The following SQLE variants were observed in gnomAD, a reference collection of about 807,000 sequenced individuals.
SQLE encodes squalene monooxygenase.
In SQLE, 29 loss-of-function variants were observed where a neutral mutation model predicts 60.7. That is an observed-to-expected ratio of 0.48 (90% CI 0.36 to 0.65). The LOEUF is 0.65. Among genes scored for constraint, SQLE ranks in the 30% least tolerant of loss-of-function variants. The pLI, the probability that SQLE is intolerant of heterozygous loss-of-function variation, is 0.00. For synonymous variants in SQLE, 237 were observed against 246.8 expected (o/e 0.96, Z 0.37); for missense variants, 605 against 684.1 (o/e 0.88, Z 1.29).
intron 6 of SQLE, among the ~76,000 whole-genome samples, chr8:125,010,528 TAAAC>T (rs1244946214): frequency 6.6e-6 from 1 of 152,184 alleles, no homozygotes; most frequent in African/African-American, 2.4e-5. Flanking sequence ...AGTTATTTTT[TAAAC>T]TAAGTGAAAC....
intron 7 of SQLE, among the ~76,000 whole-genome samples, chr8:125,013,498 G>A (rs752194794): frequency 1.3e-5 from 2 of 151,838 alleles, no homozygotes; most frequent in Non-Finnish European, 2.9e-5. Flanking sequence ...GATTATAGGT[G>A]CTCGCCACCG....
At chr8:125,008,023 A>C (rs1814982295) in intron 4 of SQLE, among the ~76,000 whole-genome samples, 1 of 152,228 alleles carries the variant, frequency 6.6e-6, no homozygotes, top group South Asian at 2.1e-4. Flanking sequence ...AAAATGAGCA[A>C]TTTAACTCAG....
Position 124,998,623 on chromosome 8 carries a change from A to AGCC in SQLE, c.-771_-769dup, listed in dbSNP as rs1383180200. 7 of 682,292 alleles carry AGCC rather than the reference A, an allele frequency of 1.0e-5. No homozygotes were observed. The highest frequency in any genetic ancestry group is 2.9e-5 in the East Asian group (1 of 34,482). 42.3% of individuals were successfully genotyped at this position (682,292 alleles called of 1,614,324 possible). On this transcript the variant is annotated 5_prime_UTR_variant, in exon 1 of 11. Transcript: ENST00000265896. ...GGATGCTGGTGAGGAAGCCGTCGGG[A>AGCC]GCCGCCGCCGCCATCTGAGGGAGGT... is the stretch of plus-strand genomic sequence containing the variant.
intron 2 of SQLE, 98 bp from the exon 3 acceptor site, chr8:125,005,427 A>G: frequency 9.1e-7 from 1 of 1,099,026 alleles, no homozygotes; most frequent in Non-Finnish European, 1.2e-6. Flanking sequence ...ATTTGAAGGC[A>G]GAGACTCATT....
At chr8:125,005,840 T>C in intron 3 of SQLE, 135 bp downstream of exon 3, 1 of 616,336 alleles carries the variant, frequency 1.6e-6, no homozygotes, top group Non-Finnish European at 2.4e-6. Flanking sequence ...TAAAATAAAC[T>C]GTCAGTCAAA....
At chr8:125,010,786 C>CT (rs1201882885) in intron 6 of SQLE, among the ~76,000 whole-genome samples, 1 of 143,850 alleles carries the variant, frequency 7.0e-6, no homozygotes, top group African/African-American at 2.5e-5. Flanking sequence ...TTTTTTTTTT[C>CT]TTTTTTCCAA....
At chr8:125,011,701 T>C (rs1342512562) in intron 7 of SQLE, 69 bp downstream of exon 7, 3 of 1,286,466 alleles carry the variant, frequency 2.3e-6, no homozygotes, top group Non-Finnish European at 3.3e-6. Context: ...ATTAAATTTA[T>C]ACTGTTACGA....
In SQLE at chr8:125,009,034, G is replaced by A; in HGVS notation, c.886G>A (p.Val296Ile). ...GLFSKFRKSL[V>I]SNKVSVSSHF... Reference sequence around the variant, plus strand: ...TTTCTCCAAGTTCAGGAAAAGCCTGGTCTCCAATAAAGTTTCTGTATCATC... The same window carrying A: ...TTTCTCCAAGTTCAGGAAAAGCCTGATCTCCAATAAAGTTTCTGTATCATC... Residue 296 changes from valine (V) to isoleucine (I), a missense_variant, in exon 5 of 11, where the codon GTC becomes ATC. Transcript: ENST00000265896. The A allele has an allele frequency of 6.2e-7, 1 of 1,603,558 alleles. No individual in the cohort carries two copies. The highest frequency in any genetic ancestry group is 1.1e-5 in the South Asian group (1 of 88,124).
chr8:125,000,462 G>C (rs1814826187), intron 1 of SQLE, among the ~76,000 whole-genome samples: 1 of 152,102 alleles, frequency 6.6e-6, no homozygotes, highest in Non-Finnish European at 1.5e-5. Flanking sequence ...TTTGTTTTTT[G>C]AGACAAAGTC....
intron 7 of SQLE, among the ~76,000 whole-genome samples, chr8:125,013,667 T>C (rs1815072415): frequency 6.6e-6 from 1 of 152,184 alleles, no homozygotes; most frequent in South Asian, 2.1e-4. Flanking sequence ...ACTCCTATAT[T>C]TTCTTCTAAG....
intron 5 of SQLE, 42 bp from the exon 6 acceptor site, chr8:125,009,130 A>C (rs1445273482): frequency 1.9e-6 from 3 of 1,568,642 alleles, no homozygotes. Context: ...AGAAACTTGA[A>C]ATTTGAAAAT....
chr8:125,013,356 C>CTTTTTCTTTTTTTTTTTTTTTTT (rs71576761), intron 7 of SQLE, among the ~76,000 whole-genome samples: 2 of 136,420 alleles, frequency 1.5e-5, no homozygotes, highest in African/African-American at 2.8e-5. Flanking sequence ...TTTTCTTTTT[C>CTTTTTCTTTTTTTTTTTTTTTTT]TTTTTTTTTT....
chr8:125,010,763 G>A (rs12548192), intron 6 of SQLE, among the ~76,000 whole-genome samples: 52,395 of 151,524 alleles, frequency 0.35, 9,898 homozygotes, highest in Middle Eastern at 0.51. Context: ...TATTGTAAAT[G>A]TGGTGGTTTT....
Position 124,999,348 on chromosome 8 carries a change from C to G in SQLE, c.-56C>G. 2 of 1,457,568 alleles carry G rather than the reference C, an allele frequency of 1.4e-6. No individual in the cohort carries two copies. Among genetic ancestry groups the G allele is most frequent in the South Asian group, 3.1e-5 (2 of 64,276 alleles). The allele number at this position is 1,457,568 out of a possible 1,614,324, so 90.3% of individuals were successfully genotyped here. ...CCTCATTTTGGGGAGAACCTTAAAC[C>G]CACTCGAGCAGATAATCTCCGCCTT... On this transcript the variant is annotated 5_prime_UTR_variant, in exon 1 of 11. Coordinates refer to ENST00000265896, the MANE Select transcript of SQLE (RefSeq NM_003129.4).
intron 6 of SQLE, among the ~76,000 whole-genome samples, 175 bp downstream of exon 6, chr8:125,009,518 G>A (rs757074621): frequency 6.6e-6 from 1 of 152,106 alleles, no homozygotes; most frequent in South Asian, 2.1e-4. Flanking sequence ...GTTTCGGGCC[G>A]GGCACAGTAG....
chr8:125,002,348 A>G (rs1347753162), intron 1 of SQLE, among the ~76,000 whole-genome samples: 1 of 152,216 alleles, frequency 6.6e-6, no homozygotes, highest in African/African-American at 2.4e-5. Flanking sequence ...GATTTTTCAA[A>G]TGAAAATCCA....
intron 4 of SQLE, among the ~76,000 whole-genome samples, chr8:125,008,606 A>C (rs1308190745): frequency 6.6e-6 from 1 of 152,210 alleles, no homozygotes; most frequent in Non-Finnish European, 1.5e-5. Context: ...GAAGTTAGGA[A>C]ATTTTAGAAT....
chr8:125,013,437 C>T (rs1158612101), intron 7 of SQLE, among the ~76,000 whole-genome samples: 5 of 149,998 alleles, frequency 3.3e-5, no homozygotes, highest in South Asian at 4.2e-4. Context: ...ATTGCAACCT[C>T]GGCCTCCCAG....
chr8:125,005,716 A>G lies in SQLE; in HGVS notation c.725+11A>G, dbSNP rs576908842. The G allele has an allele frequency of 2.0e-6, 3 of 1,528,182 alleles. No homozygotes were observed. The highest frequency in any genetic ancestry group is 1.3e-5 in the South Asian group (1 of 78,668). The allele number at this position is 1,528,182 out of a possible 1,614,324, so 94.7% of individuals were successfully genotyped here. On this transcript the variant is annotated intron_variant, in intron 3 of 10. Coordinates refer to ENST00000265896, the MANE Select transcript of SQLE (RefSeq NM_003129.4). ...TATGGCAGAGCCCAAGTAAGACCAC[A>G]GTTTCAAATATATAATTACTAAAGA...
Sources: gnomAD v4.1 joint callset for allele counts (sites outside exome capture counted in the v4.1 genomes callset) on GRCh38, gnomAD v4.1.1 for gene constraint, MANE v1.5 for transcripts, NCBI Gene and HGNC (gene_info 2026-07-23, HGNC 2026-07-21) for gene names.